Variants in KNTC1 observed in about 807,000 individuals in gnomAD.
KNTC1 encodes kinetochore-associated protein 1.
In KNTC1, 253 loss-of-function variants were observed where a neutral mutation model predicts 314.4. That is an observed-to-expected ratio of 0.80 (90% CI 0.73 to 0.89). The LOEUF is 0.89. Among genes scored for constraint, KNTC1 ranks in the 40% least tolerant of loss-of-function variants. KNTC1 has a pLI of 0.00. For synonymous variants in KNTC1, 901 were observed against 901.4 expected (o/e 1.00, Z 0.01); for missense variants, 2,475 against 2,572.9 (o/e 0.96, Z 0.82).
At position 122,576,629 on chromosome 12, in the gene KNTC1, C is replaced by T. The variant is rs149001957; in HGVS notation, c.2587-266C>T. On this transcript the variant is annotated intron_variant, in intron 29 of 63. Coordinates refer to ENST00000333479, the MANE Select transcript of KNTC1 (RefSeq NM_014708.6). The stretch of plus-strand genomic sequence containing the variant: ...CTGGGAGGCAGAGGTTGCAGTGAGC[C>T]GAGATTGCGCCACTGCACTGTAGCC... Among the ~76,000 whole-genome samples the T allele has an allele frequency of 8.6e-3, 1,305 of 151,962 alleles. 17 individuals carry two copies. The highest frequency in any genetic ancestry group is 0.03 in the African/African-American group (1,262 of 41,464).
In KNTC1 at chr12:122,576,930, ATCT is replaced by A. The variant is rs1458727766; in HGVS notation, c.2627_2629del (p.Ser876del). On this transcript the variant is annotated inframe_deletion, in exon 30 of 64. Transcript: ENST00000333479. Reference sequence around the variant, plus strand: ...GATACATTCTCAAACAAGATGTCCCATCTTCTTTAGAAGATGCTTTAAAGGTAG... The same window carrying A: ...GATACATTCTCAAACAAGATGTCCCATCTTTAGAAGATGCTTTAAAGGTAG... 2.5e-6 allele frequency: 4 copies of A among 1,597,718 alleles called. No homozygotes were observed. Among genetic ancestry groups the A allele is most frequent in the East Asian group, 2.3e-5 (1 of 44,178 alleles).
At chr12:122,588,335 G>T (rs1869662739) in intron 39 of KNTC1, among the ~76,000 whole-genome samples, 1 of 152,088 alleles carries the variant, frequency 6.6e-6, no homozygotes. Context: ...ACTAACTGTT[G>T]ATAACTCGCT....
chr12:122,614,130 C>G (rs1256539765), intron 55 of KNTC1, among the ~76,000 whole-genome samples: 1 of 152,148 alleles, frequency 6.6e-6, no homozygotes, highest in Non-Finnish European at 1.5e-5. Context: ...TGCACCCGAC[C>G]CAGGAACAGT....
intron 62 of KNTC1, among the ~76,000 whole-genome samples, chr12:122,623,537 T>C (rs929555298): frequency 6.6e-6 from 1 of 152,202 alleles, no homozygotes; most frequent in African/African-American, 2.4e-5. Flanking sequence ...TTTTGAGTTA[T>C]AATTGATACA....
chr12:122,618,262 G>A (rs1211562607), intron 57 of KNTC1, 81 bp from the exon 58 acceptor site: 9 of 1,241,214 alleles, frequency 7.3e-6, no homozygotes, highest in Admixed American at 5.8e-5. Flanking sequence ...GTGAGCCACC[G>A]CGCCTGGCCT....
Position 122,584,392 on chromosome 12 carries a change from G to T in KNTC1, c.3378G>T (p.Leu1126=). 1 of 1,613,506 alleles carries T rather than the reference G, an allele frequency of 6.2e-7. No individual in the cohort carries two copies. The highest frequency in any genetic ancestry group is 8.5e-7 in the Non-Finnish European group (1 of 1,179,598). ...TCCCAGTGACAGTGCCTGTGGGACT[G>T]AATCTTCCTTCCATGATACATGATC... is the stretch of plus-strand genomic sequence containing the variant. ...DNVPVTVPVG[L]NLPSMIHDLA... Residue 1126 remains leucine, a synonymous_variant, in exon 35 of 64, where the codon CTG becomes CTT. Transcript: ENST00000333479.
chr12:122,604,578 T>A lies in KNTC1; in HGVS notation c.5116T>A (p.Ser1706Thr), dbSNP rs750218882. The A allele has an allele frequency of 4.0e-5, 61 of 1,534,086 alleles. No individual in the cohort carries two copies. The highest frequency in any genetic ancestry group is 4.9e-5 in the Non-Finnish European group (54 of 1,109,590). ...QDIPEGSFKI[S>T]ALKFCLYLAE... Reference sequence around the variant, plus strand: ...ATTTATTTTAGGTTCCTTCAAGATATCTGCTTTGAAATTCTGCCTTTATTT... The same window carrying A: ...ATTTATTTTAGGTTCCTTCAAGATAACTGCTTTGAAATTCTGCCTTTATTT... Residue 1706 changes from serine to threonine, a missense_variant, in exon 49 of 64, where the codon TCT (serine) becomes ACT (threonine). Coordinates refer to ENST00000333479, the MANE Select transcript of KNTC1 (RefSeq NM_014708.6).
chr12:122,564,243 C>G (rs1964161147), intron 20 of KNTC1, among the ~76,000 whole-genome samples: 1 of 152,116 alleles, frequency 6.6e-6, no homozygotes, highest in South Asian at 2.1e-4. Flanking sequence ...TCCCAAAGTG[C>G]TGGGATTACA....
intron 29 of KNTC1, among the ~76,000 whole-genome samples, chr12:122,576,121 G>A (rs891787004): frequency 6.6e-5 from 10 of 152,060 alleles, no homozygotes; most frequent in Admixed American, 2.6e-4. Flanking sequence ...GTGCAATGGC[G>A]CGATCTCGGC....
intron 4 of KNTC1, among the ~76,000 whole-genome samples, 190 bp from the exon 5 acceptor site, chr12:122,539,486 C>T (rs547876057): frequency 3.2e-4 from 49 of 152,222 alleles, no homozygotes; most frequent in Non-Finnish European, 6.6e-4. Flanking sequence ...CTCAAGGAAT[C>T]GCAAGGGAGC....
Position 122,586,693 on chromosome 12 carries a change from T to A in KNTC1, c.3674-8T>A. 1 of 1,435,810 alleles carries A rather than the reference T, an allele frequency of 7.0e-7. No individual in the cohort carries two copies. Among genetic ancestry groups the A allele is most frequent in the South Asian group, 1.6e-5 (1 of 63,852 alleles). The allele number at this position is 1,435,810 out of a possible 1,614,324, so 88.9% of individuals were successfully genotyped here. A position where few individuals can be genotyped will look rare whatever the true frequency, so the allele number is the denominator to read the frequency against. Reference sequence around the variant, plus strand: ...TAGTGTTGTTTAATGTTTTATTATCTTTTGTAGAAAGCAAGAGATATCCCT... The same window carrying A: ...TAGTGTTGTTTAATGTTTTATTATCATTTGTAGAAAGCAAGAGATATCCCT... On this transcript the variant is annotated splice_region_variant and splice_polypyrimidine_tract_variant and intron_variant, in intron 37 of 63. Coordinates refer to ENST00000333479, the MANE Select transcript of KNTC1 (RefSeq NM_014708.6).
intron 16 of KNTC1, among the ~76,000 whole-genome samples, chr12:122,555,898 G>A (rs1245264811): frequency 6.6e-6 from 1 of 152,146 alleles, no homozygotes; most frequent in Non-Finnish European, 1.5e-5. Context: ...TACTTTCGAT[G>A]TGCAATGTGG....
At chr12:122,617,616 T>C in intron 57 of KNTC1, 1 of 194,904 alleles carries the variant, frequency 5.1e-6, no homozygotes, top group East Asian at 1.5e-4. Context: ...TAAGGATTAA[T>C]TTTCTTTTCT....
chr12:122,623,204 C>T (rs1476746192), intron 62 of KNTC1, among the ~76,000 whole-genome samples: 1 of 152,170 alleles, frequency 6.6e-6, no homozygotes, highest in Non-Finnish European at 1.5e-5. Flanking sequence ...TTGCTCAGAA[C>T]ATTAATGACT....
chr12:122,569,222 G>T (rs1018156041), intron 21 of KNTC1, among the ~76,000 whole-genome samples: 9 of 152,154 alleles, frequency 5.9e-5, no homozygotes, highest in African/African-American at 1.7e-4. Context: ...GTTTATTAGT[G>T]GGCTTTGTAA....
chr12:122,619,564 C>T (rs1254117787), intron 59 of KNTC1, among the ~76,000 whole-genome samples: 1 of 152,104 alleles, frequency 6.6e-6, no homozygotes, highest in Non-Finnish European at 1.5e-5. Flanking sequence ...AGGCGCCCAC[C>T]ACCATGCCCG....
intron 12 of KNTC1, among the ~76,000 whole-genome samples, chr12:122,549,051 TTTTATTTA>T (rs907823888): frequency 5.9e-5 from 9 of 152,094 alleles, no homozygotes; most frequent in Non-Finnish European, 1.0e-4. Context: ...GTACTGTGTG[TTTTATTTA>T]TTTATTTATT....
Position 122,576,965 on chromosome 12 carries a change from C to G in KNTC1, c.2657C>G (p.Ala886Gly). ...SLEDALKVAQ[A>G]FMLSDDEIYS... ...GAAGATGCTTTAAAGGTAGCCCAAGCGTTTATGTTATCTGATGATGAGATC... is the reference window on the plus strand; with the variant it reads ...GAAGATGCTTTAAAGGTAGCCCAAGGGTTTATGTTATCTGATGATGAGATC... The change falls in exon 30 of 64, where the codon GCG becomes GGG. Residue 886 changes from alanine to glycine, a missense_variant. Transcript: ENST00000333479. The G allele has an allele frequency of 3.1e-6, 5 of 1,596,702 alleles. No individual in the cohort carries two copies. The highest frequency in any genetic ancestry group is 4.3e-6 in the Non-Finnish European group (5 of 1,169,458).
intron 45 of KNTC1, chr12:122,602,356 G>A: frequency 2.5e-6 from 1 of 392,380 alleles, no homozygotes; most frequent in African/African-American, 2.1e-5. Context: ...GGGCACCAGT[G>A]GTTTCTCCTC....
Sources: allele counts gnomAD v4.1 joint callset (sites outside exome capture counted in the v4.1 genomes callset), GRCh38; gene constraint gnomAD v4.1.1; transcripts MANE v1.5; gene names NCBI Gene and HGNC (gene_info 2026-07-23, HGNC 2026-07-21).